MEGF10: variants seen among roughly 807,000 people sequenced by gnomAD.
MEGF10 encodes the protein multiple EGF like domains 10.
In MEGF10, 86 loss-of-function variants were observed where a neutral mutation model predicts 147.5. That is an observed-to-expected ratio of 0.58 (90% CI 0.49 to 0.70). The LOEUF (loss-of-function observed/expected upper bound fraction) is 0.70. Among genes scored for constraint, MEGF10 ranks in the 30% least tolerant of loss-of-function variants. The pLI is 0.00. For synonymous variants in MEGF10, 478 were observed against 525.5 expected (o/e 0.91, Z 1.24); for missense variants, 1,329 against 1,487.3 (o/e 0.89, Z 1.75).
At chr5:127,310,018 T>TCCTTCCTTCCTTCC (rs58548600) in intron 1 of MEGF10, among the ~76,000 whole-genome samples, 22 of 27,356 alleles carry the variant, frequency 8.0e-4, no homozygotes, top group South Asian at 2.2e-3. Flanking sequence ...TCCTTTCTTT[T>TCCTTCCTTCCTTCC]TTTCTTTCTT....
At chr5:127,392,940 A>G (rs535285282) in intron 5 of MEGF10, among the ~76,000 whole-genome samples, 13 of 152,214 alleles carry the variant, frequency 8.5e-5, no homozygotes, top group African/African-American at 3.1e-4. Context: ...GGCATCTTGC[A>G]TCTGAGAGCC....
the MEGF10 span, among the ~76,000 whole-genome samples, chr5:127,237,224 T>A: frequency 6.6e-6 from 1 of 152,214 alleles, no homozygotes; most frequent in Non-Finnish European, 1.5e-5. Context: ...CGGCCAGGCG[T>A]GGTGGCTCAT....
chr5:127,288,585 G>C (rs1371186843), upstream of MEGF10, among the ~76,000 whole-genome samples: 1 of 152,122 alleles, frequency 6.6e-6, no homozygotes, highest in Non-Finnish European at 1.5e-5. Context: ...TAAGAAGACA[G>C]AAACTACCCA....
Position 127,455,463 on chromosome 5 carries a change from T to C in MEGF10, c.3088T>C (p.Tyr1030His). ...NCSLSSSENPYATIKDPPVLI... is the reference protein window; with the variant it reads ...NCSLSSSENPHATIKDPPVLI... Reference sequence around the variant, plus strand: ...CTCCCTAAGCAGTTCTGAGAACCCATATGCCACTATTAAAGACCCACCTGT... The same window carrying C: ...CTCCCTAAGCAGTTCTGAGAACCCACATGCCACTATTAAAGACCCACCTGT... Residue 1030 changes from tyrosine (Y) to histidine (H), a missense_variant, in exon 24 of 25, where the codon TAT becomes CAT. By Grantham distance (83) the Tyr-to-His change is moderately conservative. Around this residue, in one of 3 missense-constraint regions of MEGF10, gnomAD observed 343 missense variants for 377.9 expected, o/e 0.91. Transcript: ENST00000503335. The C allele has an allele frequency of 6.2e-7, 1 of 1,614,088 alleles. No individual in the cohort carries two copies. The highest frequency in any genetic ancestry group is 1.1e-5 in the South Asian group (1 of 91,076).
At chr5:127,246,943 T>TAATAG in the MEGF10 span, among the ~76,000 whole-genome samples, 29 of 2,948 alleles carry the variant, frequency 9.8e-3, no homozygotes, top group South Asian at 0.026. Context: ...TATGATTATA[T>TAATAG]TATATATAAT....
the MEGF10 span, among the ~76,000 whole-genome samples, chr5:127,277,161 G>A: frequency 6.0e-3 from 919 of 152,340 alleles, 3 homozygotes; most frequent in Non-Finnish European, 9.7e-3. Flanking sequence ...GTGCGCTTCA[G>A]GACCAAGGCA....
intron 1 of MEGF10, among the ~76,000 whole-genome samples, chr5:127,294,799 A>AAATAATAATAATAATAATAAT (rs200086613): frequency 9.3e-6 from 1 of 108,042 alleles, no homozygotes; most frequent in East Asian, 2.5e-4. Flanking sequence ...ACTCTGTCTC[A>AAATAATAATAATAATAATAAT]AATAATAATA....
the MEGF10 span, among the ~76,000 whole-genome samples, chr5:127,270,296 T>C: frequency 6.6e-6 from 1 of 152,100 alleles, no homozygotes; most frequent in Non-Finnish European, 1.5e-5. Flanking sequence ...GCAAATTGGA[T>C]AAAGAGTCAA....
intron 1 of MEGF10, among the ~76,000 whole-genome samples, chr5:127,303,496 G>T (rs1282930346): frequency 2.0e-5 from 3 of 151,980 alleles, no homozygotes; most frequent in Non-Finnish European, 4.4e-5. Context: ...AATAAAAATG[G>T]GGAAGACAAT....
the MEGF10 span, among the ~76,000 whole-genome samples, chr5:127,260,167 A>C: frequency 6.6e-6 from 1 of 152,042 alleles, no homozygotes; most frequent in African/African-American, 2.4e-5. Flanking sequence ...AAAAATAAAT[A>C]AATAAATAAG....
At chr5:127,401,450 T>G (rs1036426187) in intron 7 of MEGF10, among the ~76,000 whole-genome samples, 1 of 152,156 alleles carries the variant, frequency 6.6e-6, no homozygotes, top group African/African-American at 2.4e-5. Context: ...GGAGACTTAA[T>G]TAGCACACCA....
chr5:127,350,535 TC>T (rs1762048922), intron 4 of MEGF10, among the ~76,000 whole-genome samples: 1 of 151,968 alleles, frequency 6.6e-6, no homozygotes, highest in African/African-American at 2.4e-5. Flanking sequence ...TTTTTCCCCT[TC>T]TTCTCTCCTT....
intron 1 of MEGF10, among the ~76,000 whole-genome samples, chr5:127,329,587 T>C (rs1180476553): frequency 1.3e-5 from 2 of 152,192 alleles, no homozygotes; most frequent in Non-Finnish European, 2.9e-5. Context: ...AAAGTTATTA[T>C]TCAATACATT....
intron 8 of MEGF10, among the ~76,000 whole-genome samples, chr5:127,403,504 C>A (rs1358460165): frequency 6.6e-6 from 1 of 152,126 alleles, no homozygotes; most frequent in African/African-American, 2.4e-5. Flanking sequence ...ACCATAGTCA[C>A]CCTATATGCT....
chr5:127,417,523 A>AT (rs1426539421), intron 9 of MEGF10, 115 bp from the exon 10 acceptor site: 1 of 1,024,746 alleles, frequency 9.8e-7, no homozygotes, highest in Non-Finnish European at 1.5e-6. Context: ...AGTTTGAATT[A>AT]TTCTGCATGG....
intron 1 of MEGF10, among the ~76,000 whole-genome samples, chr5:127,325,690 C>T (rs187869058): frequency 1.1e-4 from 16 of 151,810 alleles, no homozygotes; most frequent in Admixed American, 2.6e-4. Context: ...AGTGACTTGC[C>T]CAGTTTTTGT....
intron 9 of MEGF10, among the ~76,000 whole-genome samples, chr5:127,412,462 T>C (rs1045125361): frequency 1.3e-5 from 2 of 152,228 alleles, no homozygotes; most frequent in Non-Finnish European, 2.9e-5. Flanking sequence ...GTCTAGTTTG[T>C]TCACATTAGC....
At chr5:127,248,738 CATATGTAG>C in the MEGF10 span, among the ~76,000 whole-genome samples, 1,409 of 151,158 alleles carry the variant, frequency 9.3e-3, 18 homozygotes, top group African/African-American at 0.031. Context: ...TCAGTTGTCC[CATATGTAG>C]GGAAGTCTCA....
At chr5:127,300,515 A>G (rs943721607) in intron 1 of MEGF10, among the ~76,000 whole-genome samples, 10 of 152,226 alleles carry the variant, frequency 6.6e-5, no homozygotes, top group Non-Finnish European at 1.2e-4. Context: ...GGATGCTGAC[A>G]TTACATTTAA....
Sources: allele counts gnomAD v4.1 joint callset (sites outside exome capture counted in the v4.1 genomes callset), GRCh38; gene constraint gnomAD v4.1.1; regional missense constraint gnomAD v4.1.1; transcripts MANE v1.5; gene names NCBI Gene and HGNC (gene_info 2026-07-23, HGNC 2026-07-21).